Variants in NRXN3 observed in about 807,000 individuals in gnomAD.
NRXN3 encodes the protein neurexin 3, also known as neurexin III.
Under a neutral mutation model 137.6 loss-of-function variants are expected in NRXN3, and 32 were observed. The observed-to-expected ratio is 0.23, with a 90% confidence interval of 0.18 to 0.31. The LOEUF is 0.31. Ranked by LOEUF, NRXN3 falls within the 10% of genes least tolerant of loss-of-function variation. NRXN3 has a pLI of 1.00. For missense variants in NRXN3, 1,574 were observed against 2,062.5 expected (o/e 0.76, Z 4.59); for synonymous variants, 798 against 784.5 (o/e 1.02, Z -0.29).
chr14:78,967,745 T>C (rs2099423265), intron 13 of NRXN3, among the ~76,000 whole-genome samples: 1 of 152,184 alleles, frequency 6.6e-6, no homozygotes, highest in Non-Finnish European at 1.5e-5. Context: ...ATCAGTAAAC[T>C]GTCTTAGCCT....
Position 78,385,217 on chromosome 14 carries a change from A to T in NRXN3, c.757+87357A>T, listed in dbSNP as rs576427927. Among the ~76,000 whole-genome samples the T allele has an allele frequency of 5.9e-5, 9 of 152,204 alleles. No individual in the cohort carries two copies. In the South Asian group the frequency reaches 1.9e-3, roughly 32 times the overall value. Reference sequence around the variant, plus strand: ...ATAAATCAAAATGCTAATGAGGGATACTTTTGGATAATAGGGCTATGGGCA... The same window carrying T: ...ATAAATCAAAATGCTAATGAGGGATTCTTTTGGATAATAGGGCTATGGGCA... On this transcript the variant is annotated intron_variant, in intron 4 of 20. Coordinates refer to ENST00000335750, the MANE Select transcript of NRXN3 (RefSeq NM_001330195.2).
intron 3 of NRXN3, among the ~76,000 whole-genome samples, chr14:78,284,801 A>G (rs561909110): frequency 2.3e-4 from 35 of 152,214 alleles, no homozygotes; most frequent in African/African-American, 7.9e-4. Context: ...CCTCAAACTT[A>G]GATCCCAGCC....
At chr14:78,378,926 A>G (rs2088468876) in intron 4 of NRXN3, among the ~76,000 whole-genome samples, 1 of 152,180 alleles carries the variant, frequency 6.6e-6, no homozygotes. Context: ...AATATCAAAA[A>G]TGAAATAAAG....
chr14:78,944,393 G>A (rs1022632150), intron 10 of NRXN3, among the ~76,000 whole-genome samples: 2 of 152,166 alleles, frequency 1.3e-5, no homozygotes, highest in Admixed American at 6.6e-5. Flanking sequence ...TCAGAAAGGT[G>A]GTTTGAGAAT....
intron 11 of NRXN3, among the ~76,000 whole-genome samples, chr14:78,961,902 T>G (rs1312622317): frequency 6.6e-6 from 1 of 152,178 alleles, no homozygotes; most frequent in East Asian, 1.9e-4. Context: ...CAGTGCAATA[T>G]GGAAGTGAAT....
At chr14:79,298,526 T>A (rs1222256703) in intron 15 of NRXN3, among the ~76,000 whole-genome samples, 1 of 152,060 alleles carries the variant, frequency 6.6e-6, no homozygotes, top group Non-Finnish European at 1.5e-5. Context: ...TAACATTTTT[T>A]CTCACCAGAT....
At chr14:78,807,859 C>G (rs1247916338) in intron 9 of NRXN3, among the ~76,000 whole-genome samples, 2 of 151,344 alleles carry the variant, frequency 1.3e-5, no homozygotes, top group Non-Finnish European at 2.9e-5. Flanking sequence ...GATATGAACA[C>G]ATACACATCA....
chr14:79,189,315 C>T (rs143200505), intron 15 of NRXN3, among the ~76,000 whole-genome samples: 5,310 of 146,848 alleles, frequency 0.036, 228 homozygotes, highest in East Asian at 0.21. Flanking sequence ...TGTATTCTCA[C>T]TCATAGGTGG....
At chr14:78,905,443 A>G (rs2099212764) in intron 10 of NRXN3, among the ~76,000 whole-genome samples, 1 of 152,030 alleles carries the variant, frequency 6.6e-6, no homozygotes, top group Non-Finnish European at 1.5e-5. Flanking sequence ...TTTCTTTCTC[A>G]GCACCTGATA....
chr14:79,106,421 G>A (rs1382697035), intron 15 of NRXN3, among the ~76,000 whole-genome samples: 1 of 151,764 alleles, frequency 6.6e-6, no homozygotes, highest in African/African-American at 2.4e-5. Context: ...TTCTTCAAAT[G>A]TGCTTTCTCT....
Position 79,727,875 on chromosome 14 carries a change from T to C in NRXN3, c.4014+29938T>C, listed in dbSNP as rs781374508. 5.2e-4 allele frequency among the ~76,000 whole-genome samples: 79 copies of C among 152,180 alleles called. 1 individual carries two copies. The highest frequency in any genetic ancestry group is 1.0e-3 in the Non-Finnish European group (69 of 68,032). The stretch of plus-strand genomic sequence containing the variant: ...GTTACGAATGGCCCTTCTCAGTCTC[T>C]AGATTGAGACTAGGATTCTTCTGTC... On this transcript the variant is annotated intron_variant, in intron 19 of 20. Transcript: ENST00000335750.
intron 1 of NRXN3, among the ~76,000 whole-genome samples, chr14:78,175,390 C>T (rs189553730): frequency 6.3e-4 from 96 of 152,264 alleles, no homozygotes; most frequent in South Asian, 5.4e-3. Flanking sequence ...TGGTATCCCC[C>T]GGCCGTGTTC....
rs5809869 is a variant in NRXN3 at position 78,225,952 on chromosome 14, G to GGTGTGTGTGT, written c.-703-16428_-703-16419dup. On this transcript the variant is annotated intron_variant, in intron 1 of 20. Coordinates refer to ENST00000335750, the MANE Select transcript of NRXN3 (RefSeq NM_001330195.2). ...CCTAGCAAGTAGCAGGTGTTTTTTT[G>GGTGTGTGTGT]GTGTGTGTGTGTGTGTGTGTTGGTG... Among the ~76,000 whole-genome samples the GGTGTGTGTGT allele has an allele frequency of 7.0e-3, 867 of 124,708 alleles. 20 individuals carry two copies. The highest frequency in any genetic ancestry group is 0.034 in the Middle Eastern group (8 of 232). The allele number at this position is 124,708 out of a possible 152,430, so 81.8% of individuals were successfully genotyped here.
intron 4 of NRXN3, among the ~76,000 whole-genome samples, chr14:78,436,436 G>A (rs1206499579): frequency 6.6e-6 from 1 of 152,160 alleles, no homozygotes; most frequent in African/African-American, 2.4e-5. Context: ...TACAGATCAG[G>A]AAACTGAGGC....
Position 78,278,680 on chromosome 14 carries a change from C to T in NRXN3, c.727+18C>T. The stretch of plus-strand genomic sequence containing the variant: ...AGATCCAGGTGAGTCTTTGTGTTTG[C>T]ACAGCTGCTGTGGGAATTTCCCCTC... On this transcript the variant is annotated intron_variant, in intron 3 of 20. Coordinates refer to ENST00000335750, the MANE Select transcript of NRXN3 (RefSeq NM_001330195.2). 1 of 1,533,776 alleles carries T rather than the reference C, an allele frequency of 6.5e-7. No homozygotes were observed. Among genetic ancestry groups the T allele is most frequent in the South Asian group, 1.2e-5 (1 of 84,016 alleles).
At chr14:78,770,290 G>T (rs903888784) in intron 8 of NRXN3, among the ~76,000 whole-genome samples, 1 of 152,276 alleles carries the variant, frequency 6.6e-6, no homozygotes, top group East Asian at 1.9e-4. Flanking sequence ...GCACACATTG[G>T]TGCTTTCCGT....
intron 1 of NRXN3, among the ~76,000 whole-genome samples, chr14:78,181,617 A>G (rs2059814610): frequency 6.6e-6 from 1 of 152,098 alleles, no homozygotes. Context: ...CCAACTTAGA[A>G]ATTCGGCAGA....
intron 15 of NRXN3, among the ~76,000 whole-genome samples, chr14:79,357,485 G>A (rs2093466519): frequency 6.6e-6 from 1 of 152,108 alleles, no homozygotes; most frequent in South Asian, 2.1e-4. Flanking sequence ...TCCAATTTAA[G>A]CACTGAAAGT....
chr14:79,367,038 C>T (rs892074566), intron 15 of NRXN3, among the ~76,000 whole-genome samples: 4 of 133,856 alleles, frequency 3.0e-5, no homozygotes, highest in Admixed American at 1.8e-4. Context: ...GGCTGGAGTG[C>T]AGTGGCGCAT....
Sources: allele counts gnomAD v4.1 joint callset (sites outside exome capture counted in the v4.1 genomes callset), GRCh38; gene constraint gnomAD v4.1.1; transcripts MANE v1.5; gene names NCBI Gene and HGNC (gene_info 2026-07-23, HGNC 2026-07-21).